Variants in INPP5D observed in about 807,000 individuals in gnomAD.
INPP5D encodes phosphatidylinositol 3,4,5-trisphosphate 5-phosphatase 1.
Under a neutral mutation model 122.9 loss-of-function variants are expected in INPP5D, and 33 were observed. That is an observed-to-expected ratio of 0.27 (90% CI 0.20 to 0.36). The LOEUF (loss-of-function observed/expected upper bound fraction) is 0.36. INPP5D is among the 10% of genes least tolerant of loss of function. The probability of loss-of-function intolerance (pLI) is 1.00; values close to 1 mark genes in which losing one functional copy is unlikely to be tolerated. For synonymous variants in INPP5D, 584 were observed against 576.2 expected (o/e 1.01, Z -0.19); for missense variants, 1,053 against 1,412.7 (o/e 0.75, Z 4.08).
chr2:233,077,597 T>C (rs1399961066), intron 1 of INPP5D, among the ~76,000 whole-genome samples: 1 of 148,522 alleles, frequency 6.7e-6, no homozygotes, highest in Non-Finnish European at 1.5e-5. Flanking sequence ...AGGCAGAGTT[T>C]GCGGTGAGCC....
intron 1 of INPP5D, among the ~76,000 whole-genome samples, chr2:233,061,903 A>G (rs1485004403): frequency 6.6e-6 from 1 of 152,220 alleles, no homozygotes; most frequent in East Asian, 1.9e-4. Context: ...CAGTGTTTAC[A>G]GGGTCAGCTG....
chr2:233,065,578 TC>T, intron 1 of INPP5D, among the ~76,000 whole-genome samples: 2 of 18,274 alleles, frequency 1.1e-4, no homozygotes, highest in Admixed American at 8.6e-4. Context: ...TTTCTTTCTT[TC>T]CTTCTTTCTT....
intron 2 of INPP5D, among the ~76,000 whole-genome samples, chr2:233,095,615 CAAAA>C (rs59030376): frequency 2.7e-4 from 35 of 129,174 alleles, no homozygotes; most frequent in South Asian, 1.9e-3. Flanking sequence ...GAAACTGTCT[CAAAA>C]AAAAAAAAAA....
intron 25 of INPP5D, among the ~76,000 whole-genome samples, chr2:233,199,843 A>G (rs1574806480): frequency 1.3e-5 from 2 of 151,854 alleles, no homozygotes; most frequent in East Asian, 3.9e-4. Context: ...GAAAAGAAAA[A>G]AAATGTTTCT....
Position 233,206,672 on chromosome 2 carries a change from G to A in INPP5D, c.3568-34G>A, listed in dbSNP as rs868334257. ...TAGTTCAACATGGCCTGGTGAGAAT[G>A]AGCCCTGACAGCCCTTCTGTTCTTG... is the stretch of plus-strand genomic sequence containing the variant. On this transcript the variant is annotated intron_variant, in intron 26 of 26. Transcript: ENST00000445964. The surrounding 1 kb of genome is among the most constrained non-coding windows in gnomAD (Gnocchi z 4.0). The A allele has an allele frequency of 1.3e-6, 1 of 769,212 alleles. No homozygotes were observed. The highest frequency in any genetic ancestry group is 2.4e-6 in the Non-Finnish European group (1 of 412,684). The allele number at this position is 769,212 out of a possible 1,614,324, so 47.6% of individuals were successfully genotyped here. A position where few individuals can be genotyped will look rare whatever the true frequency, so the allele number is the denominator to read the frequency against.
chr2:233,102,707 G>T (rs1034559091), intron 2 of INPP5D, among the ~76,000 whole-genome samples: 3 of 152,010 alleles, frequency 2.0e-5, no homozygotes, highest in African/African-American at 7.3e-5. Context: ...AAAATTAGCT[G>T]GACGTGGTGG....
intron 6 of INPP5D, among the ~76,000 whole-genome samples, chr2:233,142,026 G>A (rs919148033): frequency 2.0e-5 from 3 of 152,240 alleles, no homozygotes; most frequent in Non-Finnish European, 2.9e-5. Context: ...GGCTCTGCCC[G>A]ACACTTGAAC....
At chr2:233,122,541 G>A (rs185561835) in intron 3 of INPP5D, among the ~76,000 whole-genome samples, 3 of 152,322 alleles carry the variant, frequency 2.0e-5, no homozygotes, top group Non-Finnish European at 2.9e-5. Flanking sequence ...GCTGGCTCAC[G>A]CCTGTAACCC....
rs1416730103 is a variant in INPP5D, at chr2:233,071,181, T to C, written c.135-8154T>C. ...GTGTGTGCCTATAGTTCCAGCTACC[T>C]GGGAGGCTGAGGTGGGAGAATTGTT... On this transcript the variant is annotated intron_variant, in intron 1 of 26. Coordinates refer to ENST00000445964, the MANE Select transcript of INPP5D (RefSeq NM_001017915.3). Among the ~76,000 whole-genome samples the C allele has an allele frequency of 3.9e-5, 6 of 151,962 alleles. No homozygotes were observed. The East Asian group carries it at 1.2e-3, about 29-fold the overall frequency.
At chr2:233,091,966 G>T (rs973750537) in intron 2 of INPP5D, among the ~76,000 whole-genome samples, 3 of 152,222 alleles carry the variant, frequency 2.0e-5, no homozygotes, top group African/African-American at 7.2e-5. Flanking sequence ...TTGAATGAAG[G>T]AGTAAATTTG....
intron 5 of INPP5D, chr2:233,134,206 T>G: frequency 3.0e-6 from 1 of 336,390 alleles, no homozygotes; most frequent in South Asian, 2.2e-5. Flanking sequence ...ACATTTGGCT[T>G]GAGGGGCCAT....
At chr2:233,070,755 T>C (rs1369177431) in intron 1 of INPP5D, among the ~76,000 whole-genome samples, 1 of 152,164 alleles carries the variant, frequency 6.6e-6, no homozygotes, top group Non-Finnish European at 1.5e-5. Flanking sequence ...TCCAGCAGTT[T>C]ATTTAATTCC....
chr2:233,067,490 T>C (rs1477233063), intron 1 of INPP5D, among the ~76,000 whole-genome samples: 2 of 152,244 alleles, frequency 1.3e-5, no homozygotes, highest in African/African-American at 4.8e-5. Context: ...TAATGAATAA[T>C]GCTGTGATGA....
chr2:233,155,225 C>T (rs1457237318), intron 9 of INPP5D, among the ~76,000 whole-genome samples: 1 of 151,990 alleles, frequency 6.6e-6, no homozygotes, highest in Non-Finnish European at 1.5e-5. Flanking sequence ...AAAATAAGAA[C>T]CCAATGGAAG....
chr2:233,156,221 C>A (rs1416726688), intron 9 of INPP5D, among the ~76,000 whole-genome samples: 2 of 152,218 alleles, frequency 1.3e-5, no homozygotes, highest in Non-Finnish European at 2.9e-5. Flanking sequence ...ATGGCTGTGG[C>A]TCAGACAAGG....
rs1276594441 is a variant in INPP5D at position 233,160,460 on chromosome 2, T to C, written c.1138-1264T>C. On this transcript the variant is annotated intron_variant, in intron 10 of 26. Transcript: ENST00000445964. This position sits in a 1 kb window ranked among gnomAD's most constrained non-coding sequence, Gnocchi z 4.2. ...TTTTAATTAGTTTCTTTAATTTAAA[T>C]GTTCTTTCATTACATAAGTAATCTA... 6.6e-6 allele frequency among the ~76,000 whole-genome samples: 1 copy of C among 152,228 alleles called. No individual in the cohort carries two copies. The highest frequency in any genetic ancestry group is 2.4e-5 in the African/African-American group (1 of 41,456).
At position 233,170,621 on chromosome 2, in the gene INPP5D, C is replaced by T. The variant is rs369182760; in HGVS notation, c.1900+17C>T. On this transcript the variant is annotated intron_variant, in intron 16 of 26. Coordinates refer to ENST00000445964, the MANE Select transcript of INPP5D (RefSeq NM_001017915.3). The surrounding 1 kb of genome is among the most constrained non-coding windows in gnomAD (Gnocchi z 4.5). ...TACACTTCGGTAAGAGCAGCAACCC[C>T]GGCTGGGAGCGGTGGCTCACACCTG... 42 of 1,610,798 alleles carry T rather than the reference C, an allele frequency of 2.6e-5. No individual in the cohort carries two copies. The East Asian group carries it at 3.8e-4, about 15-fold the overall frequency.
chr2:233,083,945 A>G (rs760259990), intron 2 of INPP5D, among the ~76,000 whole-genome samples: 1 of 152,146 alleles, frequency 6.6e-6, no homozygotes, highest in Non-Finnish European at 1.5e-5. Context: ...ATAATCCCCT[A>G]TCACATCAAT....
At chr2:233,145,691 C>T (rs1483614320) in intron 6 of INPP5D, among the ~76,000 whole-genome samples, 1 of 139,622 alleles carries the variant, frequency 7.2e-6, no homozygotes, top group Admixed American at 7.1e-5. Context: ...CTTGGTGGGG[C>T]GGGTGAGGTG....
Sources: gnomAD v4.1 joint callset for allele counts (sites outside exome capture counted in the v4.1 genomes callset) on GRCh38, gnomAD v4.1.1 for gene constraint, Gnocchi (gnomAD v3.1) non-coding constraint, MANE v1.5 for transcripts, NCBI Gene and HGNC (gene_info 2026-07-23, HGNC 2026-07-21) for gene names.